Variants in WDFY2 observed in about 807,000 individuals in gnomAD.
WDFY2 encodes WD repeat and FYVE domain-containing protein 2.
In WDFY2, 36 loss-of-function variants were observed where a neutral mutation model predicts 56.4. That is an observed-to-expected ratio of 0.64 (90% CI 0.49 to 0.84). The LOEUF is 0.84. WDFY2 is among the 40% of genes least tolerant of loss of function. WDFY2 has a pLI of 0.00. For missense variants in WDFY2, 444 were observed against 512.2 expected (o/e 0.87, Z 1.29); for synonymous variants, 176 against 183.7 (o/e 0.96, Z 0.34).
chr13:51,652,118 G>T (rs553988241), intron 1 of WDFY2, among the ~76,000 whole-genome samples: 19 of 152,214 alleles, frequency 1.2e-4, no homozygotes, highest in African/African-American at 2.6e-4. Context: ...TTTAGGATAG[G>T]TAGCTCTTCT....
chr13:51,636,200 C>T (rs1259025668), intron 1 of WDFY2, among the ~76,000 whole-genome samples: 4 of 152,226 alleles, frequency 2.6e-5, no homozygotes, highest in East Asian at 1.9e-4. Context: ...CTGTTAGCTT[C>T]AGCTACCTCT....
intron 5 of WDFY2, among the ~76,000 whole-genome samples, chr13:51,725,428 C>G (rs1331900585): frequency 6.6e-6 from 1 of 152,236 alleles, no homozygotes; most frequent in East Asian, 1.9e-4. Context: ...TGGCTCACAC[C>G]TGTAATCCCA....
At chr13:51,659,167 T>C (rs1266651473) in intron 1 of WDFY2, among the ~76,000 whole-genome samples, 1 of 152,150 alleles carries the variant, frequency 6.6e-6, no homozygotes, top group African/African-American at 2.4e-5. Context: ...CCTCAGGTGA[T>C]CTGCCCACCT....
At chr13:51,699,656 C>T (rs1300693263) in intron 3 of WDFY2, among the ~76,000 whole-genome samples, 2 of 152,018 alleles carry the variant, frequency 1.3e-5, no homozygotes, top group Non-Finnish European at 2.9e-5. Flanking sequence ...ATCAGTTTGG[C>T]AAAAATTGAA....
intron 4 of WDFY2, among the ~76,000 whole-genome samples, chr13:51,716,692 CA>C (rs34618973): frequency 2.8e-3 from 155 of 55,134 alleles, no homozygotes; most frequent in African/African-American, 4.1e-3. Flanking sequence ...GACTCCGTCT[CA>C]AAAAAAAAAA....
At chr13:51,689,024 T>C (rs1157841678) in intron 3 of WDFY2, among the ~76,000 whole-genome samples, 2 of 152,186 alleles carry the variant, frequency 1.3e-5, no homozygotes, top group African/African-American at 4.8e-5. Context: ...GCTTCAGAGT[T>C]TGGCCATGAG....
At chr13:51,743,472 A>G (rs1445684124) in intron 7 of WDFY2, among the ~76,000 whole-genome samples, 1 of 152,248 alleles carries the variant, frequency 6.6e-6, no homozygotes, top group East Asian at 1.9e-4. Flanking sequence ...CATATAAAAT[A>G]ATCAGCCCAG....
chr13:51,713,167 A>G (rs1408508534), intron 4 of WDFY2, among the ~76,000 whole-genome samples: 1 of 152,264 alleles, frequency 6.6e-6, no homozygotes, highest in Non-Finnish European at 1.5e-5. Context: ...CCAAAATGAT[A>G]CAAGTAAAGA....
rs1248146120 is a variant in WDFY2, at chr13:51,727,680, T to C, written c.488T>C (p.Phe163Ser). ...RTSAVASGLQ[F>S]DVETRHVFIG... is the part of the protein sequence containing the mutation. ...AATCCTTAATGCTTTCATGACAGAT[T>C]TGATGTTGAAACCCGGCATGTGTTT... The change falls in exon 6 of 12, where the codon TTT becomes TCT. Residue 163 changes from phenylalanine to serine, a missense_variant and splice_region_variant. Transcript: ENST00000298125. 1.9e-6 allele frequency: 3 copies of C among 1,612,942 alleles called. No individual in the cohort carries two copies. The Admixed American group carries it at 5.0e-5, about 27-fold the overall frequency.
chr13:51,679,599 G>T (rs1018687173), intron 3 of WDFY2, among the ~76,000 whole-genome samples: 2 of 152,268 alleles, frequency 1.3e-5, no homozygotes, highest in African/African-American at 4.8e-5. Context: ...TAGTTCTTGT[G>T]ATTGTGATTA....
intron 7 of WDFY2, among the ~76,000 whole-genome samples, chr13:51,744,005 C>G (rs931863851): frequency 6.6e-6 from 1 of 152,196 alleles, no homozygotes; most frequent in Non-Finnish European, 1.5e-5. Context: ...TGCCCCCAGA[C>G]GGGGGTCCCT....
At chr13:51,625,355 C>T (rs191380755) in intron 1 of WDFY2, among the ~76,000 whole-genome samples, 1 of 152,274 alleles carries the variant, frequency 6.6e-6, no homozygotes, top group Admixed American at 6.5e-5. Flanking sequence ...ATGTGCCCAG[C>T]ATTTGTGTGT....
chr13:51,695,143 T>C (rs371238258), intron 3 of WDFY2, among the ~76,000 whole-genome samples: 3 of 152,210 alleles, frequency 2.0e-5, no homozygotes. Context: ...TCCTGTAGCT[T>C]GGAGTAGTTT....
intron 1 of WDFY2, among the ~76,000 whole-genome samples, chr13:51,659,880 G>A (rs1433828551): frequency 3.9e-5 from 6 of 152,144 alleles, no homozygotes; most frequent in Non-Finnish European, 7.3e-5. Context: ...GTCAGATACT[G>A]CATATTTTTT....
intron 7 of WDFY2, among the ~76,000 whole-genome samples, chr13:51,742,292 GA>G (rs1732318541): frequency 6.6e-6 from 1 of 152,194 alleles, no homozygotes; most frequent in South Asian, 2.1e-4. Context: ...TGATGACAGT[GA>G]AACTGTTTCC....
At chr13:51,745,973 C>CTTTTTTTTTTTTT (rs59572351) in intron 7 of WDFY2, among the ~76,000 whole-genome samples, 83 of 100,748 alleles carry the variant, frequency 8.2e-4, no homozygotes, top group Non-Finnish European at 1.0e-3. Flanking sequence ...TTTTCTTTTT[C>CTTTTTTTTTTTTT]TTTTTTTTTT....
chr13:51,658,003 C>G (rs1955541830), intron 1 of WDFY2, among the ~76,000 whole-genome samples: 1 of 151,970 alleles, frequency 6.6e-6, no homozygotes, highest in Non-Finnish European at 1.5e-5. Context: ...ATTTTTCTGT[C>G]AGTTTATTTG....
At chr13:51,604,212 G>A (rs1472012461) in intron 1 of WDFY2, among the ~76,000 whole-genome samples, 2 of 152,088 alleles carry the variant, frequency 1.3e-5, no homozygotes, top group East Asian at 3.9e-4. Flanking sequence ...AATAATACAT[G>A]CCAATTTGTA....
intron 1 of WDFY2, among the ~76,000 whole-genome samples, chr13:51,627,061 C>T (rs768056526): frequency 5.3e-5 from 8 of 152,236 alleles, no homozygotes; most frequent in Non-Finnish European, 1.2e-4. Flanking sequence ...GCATGGGTGC[C>T]GGCTCCATGC....
Sources: allele counts gnomAD v4.1 joint callset (sites outside exome capture counted in the v4.1 genomes callset), GRCh38; gene constraint gnomAD v4.1.1; transcripts MANE v1.5; gene names NCBI Gene and HGNC (gene_info 2026-07-23, HGNC 2026-07-21).